Variants in FAT4 observed in about 807,000 individuals in gnomAD.
The protein encoded by FAT4 is FAT atypical cadherin 4, also known as protocadherin Fat 4.
Under a neutral mutation model 303.9 loss-of-function variants are expected in FAT4, and 84 were observed. The observed-to-expected ratio is 0.28, with a 90% CI of 0.23 to 0.33. The LOEUF (loss-of-function observed/expected upper bound fraction) is 0.33. FAT4 is among the 10% of genes least tolerant of loss of function. The probability of loss-of-function intolerance (pLI) is 1.00; values close to 1 mark genes in which losing one functional copy is unlikely to be tolerated. For synonymous variants in FAT4, 2,307 were observed against 2,298.8 expected (o/e 1.00, Z -0.10); for missense variants, 6,005 against 6,146.8 (o/e 0.98, Z 0.77).
At chr4:125,439,078 T>C (rs1034220133) in intron 8 of FAT4, among the ~76,000 whole-genome samples, 8 of 152,226 alleles carry the variant, frequency 5.3e-5, no homozygotes, top group African/African-American at 1.9e-4. Context: ...CTTTATGTTA[T>C]ACATTTTACT....
intron 10 of FAT4, among the ~76,000 whole-genome samples, chr4:125,462,202 G>T (rs1487951128): frequency 6.6e-6 from 1 of 151,910 alleles, no homozygotes; most frequent in Non-Finnish European, 1.5e-5. Context: ...GAATAAGTGT[G>T]GCTCCGTAAT....
At chr4:125,468,988 A>G (rs962868885) in intron 12 of FAT4, among the ~76,000 whole-genome samples, 169 bp downstream of exon 12, 2 of 152,192 alleles carry the variant, frequency 1.3e-5, no homozygotes, top group Non-Finnish European at 2.9e-5. Context: ...CTGTTCAAAA[A>G]CAATAAAAAG....
Position 125,317,683 on chromosome 4 carries a change from C to T in FAT4, c.1272C>T (p.Ser424=). The change falls in exon 2 of 18, where the codon AGC becomes AGT. Residue 424 remains serine (S), a synonymous_variant. Coordinates refer to ENST00000394329, the MANE Select transcript of FAT4 (RefSeq NM_001291303.3). The surrounding 1 kb of genome is among the most constrained non-coding windows in gnomAD (Gnocchi z 7.0). ...ACCTGAGCCTAATCAAGGTGGCCAG[C>T]GCCTTGGACCGCGAGCGCATCCCTT... is the stretch of plus-strand genomic sequence containing the variant. ...VPNLSLIKVA[S]ALDRERIPSY... is the part of the protein sequence containing the mutation. 2 of 1,613,120 alleles carry T rather than the reference C, an allele frequency of 1.2e-6. No individual in the cohort carries two copies. Among genetic ancestry groups the T allele is most frequent in the South Asian group, 1.1e-5 (1 of 90,956 alleles).
At chr4:125,391,280 A>G (rs764023725) in intron 2 of FAT4, among the ~76,000 whole-genome samples, 1 of 152,200 alleles carries the variant, frequency 6.6e-6, no homozygotes, top group Admixed American at 6.5e-5. Flanking sequence ...AATGCCCATC[A>G]ATGATAGACT....
chr4:125,330,428 T>G (rs1731336891), intron 2 of FAT4, among the ~76,000 whole-genome samples: 1 of 152,220 alleles, frequency 6.6e-6, no homozygotes, highest in South Asian at 2.1e-4. Context: ...GTTGTTGAAT[T>G]TTTTCTCTTT....
intron 10 of FAT4, among the ~76,000 whole-genome samples, chr4:125,461,297 C>G (rs1726474995): frequency 6.6e-6 from 1 of 151,914 alleles, no homozygotes; most frequent in Non-Finnish European, 1.5e-5. Context: ...CTATTTAACT[C>G]AAGATTTATA....
At chr4:125,464,511 A>G (rs1255601794) in intron 11 of FAT4, among the ~76,000 whole-genome samples, 2 of 147,706 alleles carry the variant, frequency 1.4e-5, no homozygotes, top group Admixed American at 6.8e-5. Context: ...TCCCCTTTGT[A>G]TATCTATTTA....
chr4:125,318,193 G>T lies in FAT4; in HGVS notation c.1782G>T (p.Glu594Asp), dbSNP rs1418317844. ...QPEGYDVSVV[E>D]NAPTGTELLM... The stretch of plus-strand genomic sequence containing the variant: ...AAGGGTATGATGTGTCTGTGGTTGA[G>T]AATGCCCCAACAGGGACAGAACTGT... Residue 594 changes from glutamate (E) to aspartate (D), a missense_variant, in exon 2 of 18, where the codon GAG becomes GAT. By Grantham distance (45) the Glu-to-Asp change is conservative. Transcript: ENST00000394329. 1.9e-6 allele frequency: 3 copies of T among 1,614,106 alleles called. No homozygotes were observed. The highest frequency in any genetic ancestry group is 1.6e-4 in the Middle Eastern group (1 of 6,084).
chr4:125,346,986 A>G (rs1355161), intron 2 of FAT4, among the ~76,000 whole-genome samples: 11,678 of 151,530 alleles, frequency 0.077, 557 homozygotes, highest in South Asian at 0.16. Context: ...GTGGTAAGAG[A>G]AATATTTAAG....
rs1727555974 is a variant in FAT4, at chr4:125,489,987, A to G, written c.13171A>G (p.Lys4391Glu). 1 of 1,613,606 alleles carries G rather than the reference A, an allele frequency of 6.2e-7. No homozygotes were observed. The highest frequency in any genetic ancestry group is 1.7e-4 in the Middle Eastern group (1 of 6,054). The part of the protein sequence containing the change: ...SGKHSLASIS[K>E]TDPSVKIGCR... The stretch of plus-strand genomic sequence containing the variant: ...GAAGCATAGCTTGGCCTCCATCTCA[A>G]AAACAGATCCCTCAGTGAAGATTGG... Residue 4391 changes from lysine (K) to glutamate (E), a missense_variant, in exon 18 of 18, where the codon AAA becomes GAA. Lys to Glu is a moderately conservative substitution (Grantham distance 56, BLOSUM62 1). Coordinates refer to ENST00000394329, the MANE Select transcript of FAT4 (RefSeq NM_001291303.3).
chr4:125,322,736 T>G (rs2125947742), intron 2 of FAT4, among the ~76,000 whole-genome samples: 1 of 151,572 alleles, frequency 6.6e-6, no homozygotes, highest in East Asian at 1.9e-4. Flanking sequence ...TTATTATTAT[T>G]ATATATTTTT....
intron 2 of FAT4, among the ~76,000 whole-genome samples, chr4:125,373,767 G>T (rs760864555): frequency 1.3e-5 from 2 of 152,066 alleles, no homozygotes; most frequent in Non-Finnish European, 2.9e-5. Flanking sequence ...ATTTTCCAGG[G>T]TCATACAGGT....
rs150505878 is a variant in FAT4, at chr4:125,477,342, G to A, written c.12479+8G>A. The A allele has an allele frequency of 9.0e-4, 1,385 of 1,540,550 alleles. 32 individuals carry two copies. In the East Asian group the frequency reaches 0.027, roughly 30 times the overall value. On this transcript the variant is annotated splice_region_variant and intron_variant, in intron 14 of 17. Transcript: ENST00000394329. ...ACAAGGCATCCTAGATCAGTATGGC[G>A]ATTTTATTTCTTACTGTTTTAAAGA...
intron 2 of FAT4, among the ~76,000 whole-genome samples, chr4:125,345,381 G>A (rs904392425): frequency 1.3e-5 from 2 of 150,922 alleles, no homozygotes; most frequent in Admixed American, 6.6e-5. Context: ...TGAGCTTCAG[G>A]TTTCTTTCCT....
At chr4:125,411,216 A>T (rs1352165353) in intron 5 of FAT4, among the ~76,000 whole-genome samples, 1 of 152,024 alleles carries the variant, frequency 6.6e-6, no homozygotes, top group Non-Finnish European at 1.5e-5. Context: ...ATTCTGTCAG[A>T]GTTTAAAATT....
At chr4:125,410,531 G>A (rs532413111) in intron 5 of FAT4, among the ~76,000 whole-genome samples, 27 of 152,184 alleles carry the variant, frequency 1.8e-4, no homozygotes, top group Non-Finnish European at 2.8e-4. Flanking sequence ...AGCTAATCAT[G>A]TATTCTTATT....
chr4:125,366,450 T>C (rs1578564055), intron 2 of FAT4, among the ~76,000 whole-genome samples: 1 of 152,212 alleles, frequency 6.6e-6, no homozygotes, highest in Non-Finnish European at 1.5e-5. Flanking sequence ...AATGGCTGCG[T>C]AGTATTCCAT....
At chr4:125,488,173 T>C (rs907038225) in intron 17 of FAT4, among the ~76,000 whole-genome samples, 1 of 152,168 alleles carries the variant, frequency 6.6e-6, no homozygotes, top group African/African-American at 2.4e-5. Flanking sequence ...GAAAGGTTAA[T>C]TTATGTTGAT....
At chr4:125,351,204 T>G (rs1246326903) in intron 2 of FAT4, among the ~76,000 whole-genome samples, 1 of 151,756 alleles carries the variant, frequency 6.6e-6, no homozygotes, top group African/African-American at 2.4e-5. Flanking sequence ...TTTTCTAATT[T>G]TAGGATTAAA....
Sources: gnomAD v4.1 joint callset for allele counts (sites outside exome capture counted in the v4.1 genomes callset) on GRCh38, gnomAD v4.1.1 for gene constraint, Gnocchi (gnomAD v3.1) non-coding constraint, MANE v1.5 for transcripts, NCBI Gene and HGNC (gene_info 2026-07-23, HGNC 2026-07-21) for gene names.